The following GPR158 variants were observed in gnomAD, a reference collection of about 807,000 sequenced individuals.
GPR158 encodes G protein-coupled receptor 158.
A neutral mutation model predicts 78.2 loss-of-function variants in GPR158; 30 were observed. The ratio of observed to expected loss-of-function variants is 0.38; its 90% CI spans 0.29 to 0.52. The LOEUF is 0.52. GPR158 is among the 20% of genes least tolerant of loss of function. The probability of loss-of-function intolerance (pLI) is 0.83; values close to 1 mark genes in which losing one functional copy is unlikely to be tolerated. For synonymous variants in GPR158, 581 were observed against 591.1 expected, an observed-to-expected ratio of 0.98 and a Z score of 0.25; for missense variants, 1,463 against 1,523.5, an observed-to-expected ratio of 0.96 and a Z score of 0.66.
intron 5 of GPR158, among the ~76,000 whole-genome samples, chr10:25,529,284 G>T (rs1017838418): frequency 2.0e-5 from 3 of 152,144 alleles, no homozygotes; most frequent in African/African-American, 7.2e-5. Flanking sequence ...CTACTCAGGA[G>T]GCTGAGGCAG....
chr10:25,453,277 T>G (rs984659121), intron 4 of GPR158, among the ~76,000 whole-genome samples: 1 of 152,210 alleles, frequency 6.6e-6, no homozygotes, highest in Non-Finnish European at 1.5e-5. Flanking sequence ...TTATTCTATT[T>G]TTAATTTTTT....
intron 4 of GPR158, among the ~76,000 whole-genome samples, chr10:25,454,510 G>A (rs191963991): frequency 2.3e-3 from 355 of 152,210 alleles, no homozygotes; most frequent in Non-Finnish European, 3.4e-3. Context: ...AAGCCTGGAT[G>A]AGAGGACAGA....
At chr10:25,270,304 C>T (rs1854100962) in intron 2 of GPR158, among the ~76,000 whole-genome samples, 2 of 152,074 alleles carry the variant, frequency 1.3e-5, no homozygotes, top group South Asian at 4.1e-4. Flanking sequence ...AATAGATGGT[C>T]TTCTGTTTCA....
At chr10:25,479,883 A>G (rs960212967) in intron 5 of GPR158, among the ~76,000 whole-genome samples, 3 of 151,780 alleles carry the variant, frequency 2.0e-5, no homozygotes, top group Non-Finnish European at 4.4e-5. Context: ...ACATTTATAT[A>G]TCTTTGTCCT....
At chr10:25,295,769 C>G (rs765487554) in intron 2 of GPR158, among the ~76,000 whole-genome samples, 12 of 152,142 alleles carry the variant, frequency 7.9e-5, no homozygotes, top group Non-Finnish European at 1.6e-4. Context: ...TCGTGGTCTA[C>G]TGGGATCTTT....
At chr10:25,258,480 CT>C (rs1365700160) in intron 2 of GPR158, among the ~76,000 whole-genome samples, 1 of 151,984 alleles carries the variant, frequency 6.6e-6, no homozygotes, top group Non-Finnish European at 1.5e-5. Flanking sequence ...TACAATTGTG[CT>C]TTTTTTCTGA....
At chr10:25,361,522 A>T (rs143478637) in intron 2 of GPR158, among the ~76,000 whole-genome samples, 2 of 151,978 alleles carry the variant, frequency 1.3e-5, no homozygotes. Flanking sequence ...ACTGTTTCCC[A>T]TAGTGCCGGC....
At chr10:25,539,355 G>C (rs190628498) in intron 5 of GPR158, among the ~76,000 whole-genome samples, 3 of 152,188 alleles carry the variant, frequency 2.0e-5, no homozygotes, top group East Asian at 1.9e-4. Context: ...TGTTATGTGT[G>C]GGGGGTTTAG....
chr10:25,511,366 T>C (rs1282799708), intron 5 of GPR158, among the ~76,000 whole-genome samples: 1 of 152,232 alleles, frequency 6.6e-6, no homozygotes, highest in Non-Finnish European at 1.5e-5. Context: ...TCTACTCATG[T>C]CCTTAGCCCA....
At chr10:25,554,024 G>A (rs139910284) in intron 6 of GPR158, among the ~76,000 whole-genome samples, 5 of 151,986 alleles carry the variant, frequency 3.3e-5, no homozygotes, top group Admixed American at 1.3e-4. Context: ...AATGGATTTC[G>A]CTGAACAGAA....
chr10:25,476,339 A>G (rs1192032040), intron 5 of GPR158, among the ~76,000 whole-genome samples: 1 of 151,982 alleles, frequency 6.6e-6, no homozygotes, highest in Non-Finnish European at 1.5e-5. Context: ...TAAAATCTAG[A>G]AGTTTGTTCT....
chr10:25,473,232 G>A (rs1835534489), intron 5 of GPR158, among the ~76,000 whole-genome samples: 1 of 151,534 alleles, frequency 6.6e-6, no homozygotes, highest in African/African-American at 2.4e-5. Flanking sequence ...TTTGTCTTTA[G>A]TTCTGTTTAT....
intron 2 of GPR158, among the ~76,000 whole-genome samples, chr10:25,374,284 G>C (rs1834044845): frequency 6.6e-6 from 1 of 151,324 alleles, no homozygotes; most frequent in Admixed American, 6.6e-5. Flanking sequence ...TTCATGGAAA[G>C]TTGCAGAAGA....
intron 2 of GPR158, among the ~76,000 whole-genome samples, chr10:25,279,219 C>T (rs917258903): frequency 1.4e-4 from 21 of 152,198 alleles, no homozygotes; most frequent in African/African-American, 4.1e-4. Context: ...ATAAATTTCA[C>T]GCTAGTGATA....
intron 9 of GPR158, among the ~76,000 whole-genome samples, chr10:25,594,997 C>T (rs1837382562): frequency 1.3e-5 from 2 of 151,556 alleles, no homozygotes; most frequent in South Asian, 4.2e-4. Context: ...AGTAAGGCTT[C>T]CTGAAATAAA....
intron 7 of GPR158, among the ~76,000 whole-genome samples, chr10:25,581,842 G>A (rs1420585467): frequency 3.9e-5 from 6 of 152,138 alleles, no homozygotes; most frequent in African/African-American, 1.2e-4. Context: ...CAGTGTATTA[G>A]TTCATTTTCA....
chr10:25,390,543 G>A (rs1192818553), intron 2 of GPR158, among the ~76,000 whole-genome samples: 1 of 152,240 alleles, frequency 6.6e-6, no homozygotes, highest in African/African-American at 2.4e-5. Context: ...ACTTGAAAGA[G>A]AGGATTTAGG....
At chr10:25,227,560 T>C (rs1164752774) in intron 2 of GPR158, among the ~76,000 whole-genome samples, 1 of 152,216 alleles carries the variant, frequency 6.6e-6, no homozygotes, top group Non-Finnish European at 1.5e-5. Flanking sequence ...GCTAAACTAT[T>C]ATTCTTAGTA....
intron 4 of GPR158, among the ~76,000 whole-genome samples, chr10:25,421,161 G>A (rs1834745632): frequency 6.6e-6 from 1 of 152,104 alleles, no homozygotes; most frequent in African/African-American, 2.4e-5. Flanking sequence ...TTCAGTATAT[G>A]AGCCTTTTGC....
Sources: gnomAD v4.1 joint callset for allele counts (sites outside exome capture counted in the v4.1 genomes callset) on GRCh38, gnomAD v4.1.1 for gene constraint, MANE v1.5 for transcripts, NCBI Gene and HGNC (gene_info 2026-07-23, HGNC 2026-07-21) for gene names.